Variants in C12orf42 observed in about 807,000 individuals in gnomAD.
C12orf42 encodes chromosome 12 open reading frame 42.
C12orf42 carries 25 observed loss-of-function variants against 21.6 expected under a neutral mutation model. The ratio of observed to expected loss-of-function variants is 1.16; its 90% CI spans 0.84 to 1.62. The LOEUF (loss-of-function observed/expected upper bound fraction) is 1.62. Ranked by LOEUF, C12orf42 falls within the 40% of genes most tolerant of loss-of-function variation. The probability of loss-of-function intolerance (pLI) is 0.00; values close to 1 mark genes in which losing one functional copy is unlikely to be tolerated. For missense variants in C12orf42, 483 were observed against 459.3 expected (o/e 1.05, Z -0.47); for synonymous variants, 174 against 175.0 (o/e 0.99, Z 0.05).
the C12orf42 span, among the ~76,000 whole-genome samples, chr12:103,519,542 G>C: frequency 2.0e-5 from 3 of 152,268 alleles, no homozygotes; most frequent in South Asian, 6.2e-4. Flanking sequence ...GAATAGAATG[G>C]TGTACTTCTC....
chr12:103,195,020 C>T, the C12orf42 span, among the ~76,000 whole-genome samples: 2 of 152,228 alleles, frequency 1.3e-5, no homozygotes, highest in African/African-American at 4.8e-5. Context: ...CAGTGTTTAG[C>T]TCCCACTTAT....
the C12orf42 span, among the ~76,000 whole-genome samples, chr12:103,179,521 C>T: frequency 2.0e-5 from 3 of 152,010 alleles, no homozygotes; most frequent in African/African-American, 7.3e-5. Flanking sequence ...GTTCAGTAGA[C>T]CTGGAGCATA....
At chr12:103,173,656 C>G in the C12orf42 span, among the ~76,000 whole-genome samples, 5 of 151,502 alleles carry the variant, frequency 3.3e-5, no homozygotes, top group African/African-American at 1.2e-4. Flanking sequence ...TATATTAATG[C>G]CTTCCATTAA....
At chr12:103,168,989 A>C in the C12orf42 span, among the ~76,000 whole-genome samples, 1 of 151,982 alleles carries the variant, frequency 6.6e-6, no homozygotes, top group East Asian at 1.9e-4. Context: ...GGAGGGGAAC[A>C]TCACACACTG....
At chr12:103,251,934 G>A (rs1374631551) in intron 10 of C12orf42, among the ~76,000 whole-genome samples, 2 of 152,110 alleles carry the variant, frequency 1.3e-5, no homozygotes, top group Admixed American at 1.3e-4. Context: ...TTGGGGGCAG[G>A]AGGTATATTG....
intron 3 of C12orf42, among the ~76,000 whole-genome samples, chr12:103,389,523 T>A (rs966077342): frequency 6.6e-5 from 10 of 152,144 alleles, no homozygotes; most frequent in African/African-American, 2.4e-4. Context: ...TCTGGAAGCA[T>A]TTGATGTCTT....
At chr12:103,549,531 A>G in the C12orf42 span, 3 of 152,202 alleles carry the variant, frequency 2.0e-5, no homozygotes, top group Admixed American at 2.0e-4. Context: ...CCTGACAGAT[A>G]GATGACTTTC....
chr12:103,095,834 G>C, the C12orf42 span, among the ~76,000 whole-genome samples: 5 of 152,152 alleles, frequency 3.3e-5, no homozygotes, highest in Non-Finnish European at 7.4e-5. Context: ...TTCTGGTCTA[G>C]TGGTTCCTGA....
chr12:103,260,162 A>G (rs893161088), intron 10 of C12orf42, among the ~76,000 whole-genome samples: 1 of 152,250 alleles, frequency 6.6e-6, no homozygotes, highest in African/African-American at 2.4e-5. Context: ...AAACATCTTT[A>G]TAAAATAAAT....
intron 10 of C12orf42, among the ~76,000 whole-genome samples, chr12:103,241,183 TAAA>T (rs10537065): frequency 5.6e-5 from 8 of 142,932 alleles, no homozygotes; most frequent in Non-Finnish European, 7.7e-5. Context: ...CTGTTTTGTT[TAAA>T]AAAAAAAAAA....
chr12:103,232,290 T>A, the C12orf42 span, among the ~76,000 whole-genome samples: 2 of 152,202 alleles, frequency 1.3e-5, no homozygotes, highest in Admixed American at 1.3e-4. Context: ...TTTAGCACAG[T>A]AGAATTTTTT....
At chr12:103,136,075 A>G in the C12orf42 span, among the ~76,000 whole-genome samples, 1 of 152,160 alleles carries the variant, frequency 6.6e-6, no homozygotes, top group African/African-American at 2.4e-5. Context: ...CAAAAATAAA[A>G]CCATCCAAAT....
At chr12:103,507,370 G>T in the C12orf42 span, among the ~76,000 whole-genome samples, 2 of 135,720 alleles carry the variant, frequency 1.5e-5, no homozygotes, top group African/African-American at 2.8e-5. Context: ...GGGCAGGGGG[G>T]CATAAAAGTG....
At chr12:103,295,164 A>C (rs559686656) in intron 4 of C12orf42, among the ~76,000 whole-genome samples, 2 of 152,274 alleles carry the variant, frequency 1.3e-5, no homozygotes, top group African/African-American at 4.8e-5. Context: ...CTTGAGGTTG[A>C]GTCTTCTCTT....
chr12:103,483,179 A>G (rs1954590555), intron 1 of C12orf42, among the ~76,000 whole-genome samples: 1 of 152,140 alleles, frequency 6.6e-6, no homozygotes, highest in Non-Finnish European at 1.5e-5. Flanking sequence ...GTAAAATTCC[A>G]AGCACCAAGA....
intron 4 of C12orf42, among the ~76,000 whole-genome samples, chr12:103,315,442 A>G (rs142933627): frequency 1.1e-3 from 170 of 152,352 alleles, no homozygotes; most frequent in Middle Eastern, 6.8e-3. Flanking sequence ...AATGCCTTCA[A>G]TGGGTTCATC....
intron 2 of C12orf42, among the ~76,000 whole-genome samples, chr12:103,464,272 G>T (rs746016305): frequency 1.3e-5 from 2 of 152,128 alleles, no homozygotes; most frequent in East Asian, 1.9e-4. Flanking sequence ...CATTCTGACT[G>T]GCATAAGATG....
the C12orf42 span, among the ~76,000 whole-genome samples, chr12:103,508,963 G>T: frequency 6.6e-6 from 1 of 152,172 alleles, no homozygotes; most frequent in East Asian, 1.9e-4. Context: ...TAAAAAATTT[G>T]CTAACTCTCG....
intron 4 of C12orf42, among the ~76,000 whole-genome samples, chr12:103,347,216 C>T (rs1161105886): frequency 2.0e-5 from 3 of 152,014 alleles, no homozygotes; most frequent in Non-Finnish European, 4.4e-5. Context: ...CCCCCCACCC[C>T]CTGACAGGCC....
Sources: gnomAD v4.1 joint callset for allele counts (sites outside exome capture counted in the v4.1 genomes callset) on GRCh38, gnomAD v4.1.1 for gene constraint, MANE v1.5 for transcripts, NCBI Gene and HGNC (gene_info 2026-07-23, HGNC 2026-07-21) for gene names.